DNAJC24: variants seen among roughly 807,000 people sequenced by gnomAD.
The protein encoded by DNAJC24 is DnaJ heat shock protein family (Hsp40) member C24, also known as dnaJ homolog subfamily C member 24.
A neutral mutation model predicts 18.0 loss-of-function variants in DNAJC24; 17 were observed. The ratio of observed to expected loss-of-function variants is 0.94; its 90% CI spans 0.65 to 1.42. The LOEUF is 1.42. Among genes scored for constraint, DNAJC24 ranks in the 40% most tolerant of loss-of-function variants. The probability of loss-of-function intolerance (pLI) is 0.00; values close to 1 mark genes in which losing one functional copy is unlikely to be tolerated. For missense variants in DNAJC24, 158 were observed against 175.6 expected (o/e 0.90, Z 0.57); for synonymous variants, 55 against 57.7 (o/e 0.95, Z 0.21).
At chr11:31,425,557 C>T (rs1330162233) in intron 3 of DNAJC24, among the ~76,000 whole-genome samples, 1 of 152,166 alleles carries the variant, frequency 6.6e-6, no homozygotes, top group Non-Finnish European at 1.5e-5. Flanking sequence ...CTCCTTCTTG[C>T]TGTGCCTTCA....
chr11:31,377,374 A>C (rs539877422), intron 2 of DNAJC24, among the ~76,000 whole-genome samples: 54 of 152,120 alleles, frequency 3.5e-4, no homozygotes, highest in Non-Finnish European at 6.6e-4. Flanking sequence ...TTAAAGATAC[A>C]TATTTACGTA....
chr11:31,418,125 A>T (rs1952767971), intron 3 of DNAJC24, among the ~76,000 whole-genome samples: 1 of 152,088 alleles, frequency 6.6e-6, no homozygotes, highest in African/African-American at 2.4e-5. Flanking sequence ...TCTGAATTTA[A>T]TCAATTAGTT....
At chr11:31,429,014 T>C (rs1276163070) in intron 4 of DNAJC24, among the ~76,000 whole-genome samples, 3 of 152,110 alleles carry the variant, frequency 2.0e-5, no homozygotes, top group African/African-American at 7.2e-5. Flanking sequence ...CTTAGGAAAA[T>C]CAATGGTTAG....
rs989563375 is a variant in DNAJC24, at chr11:31,432,024, C to CT, written c.*1626dup. Among the ~76,000 whole-genome samples the CT allele has an allele frequency of 1.3e-5, 2 of 152,052 alleles. No homozygotes were observed. The highest frequency in any genetic ancestry group is 4.8e-5 in the African/African-American group (2 of 41,396). On this transcript the variant is annotated 3_prime_UTR_variant, in exon 5 of 5. Transcript: ENST00000465995. ...TAAAAGTCAGAACTCATTTAAAGAA[C>CT]TTTAAGGGATCCTTTAGAAACATTT...
At chr11:31,413,326 CTTT>C in intron 2 of DNAJC24, among the ~76,000 whole-genome samples, 1 of 126,370 alleles carries the variant, frequency 7.9e-6, no homozygotes, top group East Asian at 2.3e-4. Context: ...TAAATACTAT[CTTT>C]TTTTTTTTTT....
In DNAJC24 at chr11:31,432,464, A is replaced by C. The variant is rs548671007; in HGVS notation, c.*2063A>C. 1.4e-6 allele frequency: 2 copies of C among 1,397,604 alleles called. No homozygotes were observed. Among genetic ancestry groups the C allele is most frequent in the South Asian group, 2.3e-5 (2 of 86,582 alleles). 86.6% of individuals were successfully genotyped at this position (1,397,604 alleles called of 1,614,324 possible). On this transcript the variant is annotated 3_prime_UTR_variant, in exon 5 of 5. Transcript: ENST00000465995. The stretch of plus-strand genomic sequence containing the variant: ...ACGGGAGTAATAAATTCACATGAAA[A>C]GGAGACAATAATCAAGTCAAAAGAA...
chr11:31,407,919 A>AT (rs1219114409), intron 2 of DNAJC24, among the ~76,000 whole-genome samples: 3 of 150,974 alleles, frequency 2.0e-5, no homozygotes, highest in East Asian at 1.9e-4. Context: ...TAAAAAAAAA[A>AT]AAATAAACAG....
In DNAJC24 at chr11:31,403,494, T is replaced by A. The variant is rs1043762595; in HGVS notation, c.112-11317T>A. 3.9e-5 allele frequency among the ~76,000 whole-genome samples: 6 copies of A among 152,296 alleles called. No homozygotes were observed. The East Asian group carries it at 9.6e-4, about 24-fold the overall frequency. ...CATCTTGAAGCAGGGGCTTACAAAATCATAGGTGGATTCAAACATTTTTTG... is the reference window on the plus strand; with the variant it reads ...CATCTTGAAGCAGGGGCTTACAAAAACATAGGTGGATTCAAACATTTTTTG... On this transcript the variant is annotated intron_variant, in intron 2 of 4. Coordinates refer to ENST00000465995, the MANE Select transcript of DNAJC24 (RefSeq NM_181706.5).
At chr11:31,382,528 A>G (rs766889227) in intron 2 of DNAJC24, among the ~76,000 whole-genome samples, 8 of 152,200 alleles carry the variant, frequency 5.3e-5, no homozygotes, top group Non-Finnish European at 1.0e-4. Context: ...TTGTCCATCA[A>G]AACATTTAAA....
intron 3 of DNAJC24, among the ~76,000 whole-genome samples, chr11:31,424,777 T>A (rs1952844491): frequency 6.6e-6 from 1 of 152,174 alleles, no homozygotes; most frequent in African/African-American, 2.4e-5. Context: ...TATTGTATAA[T>A]CTTTTTATCT....
chr11:31,385,493 C>A lies in DNAJC24; in HGVS notation c.111+14634C>A, dbSNP rs536423896. 4.6e-5 allele frequency among the ~76,000 whole-genome samples: 7 copies of A among 152,238 alleles called. No individual in the cohort carries two copies. In the East Asian group the frequency reaches 1.4e-3, roughly 29 times the overall value. On this transcript the variant is annotated intron_variant, in intron 2 of 4. Transcript: ENST00000465995. ...GTTTTGTGTTAAACTGTATGAAGAT[C>A]TTAGAAATGTAAAAATTTAATCACT... is the stretch of plus-strand genomic sequence containing the variant.
intron 2 of DNAJC24, among the ~76,000 whole-genome samples, chr11:31,383,691 TA>T (rs1158113120): frequency 1.3e-5 from 2 of 152,228 alleles, no homozygotes; most frequent in Non-Finnish European, 2.9e-5. Flanking sequence ...GCTTGTAGTT[TA>T]TGGAAAAGAA....
At chr11:31,408,351 T>C in intron 2 of DNAJC24, 1 of 371,440 alleles carries the variant, frequency 2.7e-6, no homozygotes, top group South Asian at 2.1e-5. Flanking sequence ...AGAATTGATA[T>C]TTGTAACAAG....
At chr11:31,395,200 A>G (rs984390799) in intron 2 of DNAJC24, among the ~76,000 whole-genome samples, 1 of 152,210 alleles carries the variant, frequency 6.6e-6, no homozygotes, top group Non-Finnish European at 1.5e-5. Flanking sequence ...TGTTGCTGGA[A>G]AGGAATGATC....
intron 3 of DNAJC24, among the ~76,000 whole-genome samples, chr11:31,422,670 C>G (rs1952818516): frequency 6.6e-6 from 1 of 151,996 alleles, no homozygotes; most frequent in East Asian, 1.9e-4. Flanking sequence ...AAATGCCATG[C>G]CTGATTAGTA....
intron 2 of DNAJC24, among the ~76,000 whole-genome samples, chr11:31,414,523 C>G (rs1044007202): frequency 2.6e-5 from 4 of 152,172 alleles, no homozygotes; most frequent in African/African-American, 9.7e-5. Flanking sequence ...GTCATCCTCT[C>G]TAGGTAAACT....
intron 2 of DNAJC24, among the ~76,000 whole-genome samples, chr11:31,397,521 A>C (rs1276652215): frequency 2.0e-5 from 3 of 151,352 alleles, no homozygotes; most frequent in Non-Finnish European, 4.4e-5. Flanking sequence ...ATGCAGTGTC[A>C]AAGTGTAAAG....
At chr11:31,426,266 G>A (rs368440416) in intron 3 of DNAJC24, 21 bp from the exon 4 acceptor site, 98 of 1,445,412 alleles carry the variant, frequency 6.8e-5, no homozygotes, top group Non-Finnish European at 8.7e-5. Context: ...ACAATTAAGT[G>A]TCATGTTTTA....
chr11:31,389,817 C>A (rs1389550510), intron 2 of DNAJC24, among the ~76,000 whole-genome samples: 4 of 152,130 alleles, frequency 2.6e-5, no homozygotes, highest in Admixed American at 2.6e-4. Flanking sequence ...GCATATTCTC[C>A]AGCCACAATG....
Sources: gnomAD v4.1 joint callset for allele counts (sites outside exome capture counted in the v4.1 genomes callset) on GRCh38, gnomAD v4.1.1 for gene constraint, MANE v1.5 for transcripts, NCBI Gene and HGNC (gene_info 2026-07-23, HGNC 2026-07-21) for gene names.